The following UNC5D variants were observed in gnomAD, a reference collection of about 807,000 sequenced individuals.
UNC5D encodes netrin receptor UNC5D.
Under a neutral mutation model 105.4 loss-of-function variants are expected in UNC5D, and 39 were observed. The observed-to-expected ratio is 0.37, with a 90% CI of 0.29 to 0.48. The LOEUF (loss-of-function observed/expected upper bound fraction) is 0.48. Among genes scored for constraint, UNC5D ranks in the 20% least tolerant of loss-of-function variants. The pLI, the probability that UNC5D is intolerant of heterozygous loss-of-function variation, is 0.98. For synonymous variants in UNC5D, 452 were observed against 450.4 expected (o/e 1.00, Z -0.04); for missense variants, 991 against 1,202.4 (o/e 0.82, Z 2.60).
chr8:35,575,500 A>G (rs1357998801), intron 3 of UNC5D, among the ~76,000 whole-genome samples: 1 of 152,108 alleles, frequency 6.6e-6, no homozygotes, highest in Non-Finnish European at 1.5e-5. Context: ...CTAAAATGGG[A>G]ATGGAAGTTA....
Position 35,601,138 on chromosome 8 carries a change from C to A in UNC5D, c.570+5481C>A, listed in dbSNP as rs369380930. Among the ~76,000 whole-genome samples, 8 of 152,040 alleles carry A rather than the reference C, an allele frequency of 5.3e-5. No individual in the cohort carries two copies. In the South Asian group the frequency reaches 8.3e-4, roughly 16 times the overall value. On this transcript the variant is annotated intron_variant, in intron 4 of 16. Coordinates refer to ENST00000404895, the MANE Select transcript of UNC5D (RefSeq NM_080872.4). ...TATGCGGCATTATGTCTGAGGGCTCCGTTCTGTTCCATTGTTCTATATCTC... is the reference window on the plus strand; with the variant it reads ...TATGCGGCATTATGTCTGAGGGCTCAGTTCTGTTCCATTGTTCTATATCTC...
intron 1 of UNC5D, among the ~76,000 whole-genome samples, chr8:35,486,572 T>G (rs1427510963): frequency 6.6e-6 from 1 of 152,212 alleles, no homozygotes; most frequent in Non-Finnish European, 1.5e-5. Context: ...ATTTTCATCC[T>G]TATGTCTGAC....
chr8:35,640,644 G>T (rs978839090), intron 4 of UNC5D, among the ~76,000 whole-genome samples: 1 of 151,914 alleles, frequency 6.6e-6, no homozygotes, highest in African/African-American at 2.4e-5. Context: ...GGAAGATTAA[G>T]GTAAAAATTC....
intron 4 of UNC5D, among the ~76,000 whole-genome samples, chr8:35,619,760 C>T (rs1336127010): frequency 1.3e-5 from 2 of 152,220 alleles, no homozygotes; most frequent in African/African-American, 4.8e-5. Flanking sequence ...TCTTAGAAGA[C>T]ACCTCCTTTT....
intron 1 of UNC5D, among the ~76,000 whole-genome samples, chr8:35,371,614 A>G (rs1802434153): frequency 6.6e-6 from 1 of 152,100 alleles, no homozygotes; most frequent in Non-Finnish European, 1.5e-5. Flanking sequence ...AACTTGTACC[A>G]AGTTATGGTT....
At chr8:35,462,380 A>G (rs954852795) in intron 1 of UNC5D, among the ~76,000 whole-genome samples, 5 of 152,290 alleles carry the variant, frequency 3.3e-5, no homozygotes, top group African/African-American at 1.2e-4. Flanking sequence ...ATTTATAAAT[A>G]TGGTAGATCT....
chr8:35,511,474 T>TAA lies in UNC5D; in HGVS notation c.104-37798_104-37797dup, dbSNP rs60185539. On this transcript the variant is annotated intron_variant, in intron 1 of 16. Transcript: ENST00000404895. ...TGTAGAGAGTTCCCACCTCTAAGAT[T>TAA]AAAAAAAAAAAAAAAAAAAAAGGTC... Among the ~76,000 whole-genome samples, 345 of 96,932 alleles carry TAA rather than the reference T, an allele frequency of 3.6e-3. 2 individuals carry two copies. Among genetic ancestry groups the TAA allele is most frequent in the African/African-American group, 0.011 (322 of 29,694 alleles). The allele number at this position is 96,932 out of a possible 152,430, so 63.6% of individuals were successfully genotyped here.
chr8:35,308,549 T>A (rs887799452), intron 1 of UNC5D, among the ~76,000 whole-genome samples: 1 of 152,160 alleles, frequency 6.6e-6, no homozygotes, highest in Non-Finnish European at 1.5e-5. Flanking sequence ...TGAATGATAA[T>A]CTGTTTGAAT....
At chr8:35,775,892 A>T (rs985033825) in intron 16 of UNC5D, among the ~76,000 whole-genome samples, 2 of 152,216 alleles carry the variant, frequency 1.3e-5, no homozygotes, top group Non-Finnish European at 2.9e-5. Context: ...GGCAAGCCCG[A>T]AAAGAATAGA....
At chr8:35,749,129 T>A (rs1830140455) in intron 12 of UNC5D, among the ~76,000 whole-genome samples, 2 of 152,184 alleles carry the variant, frequency 1.3e-5, no homozygotes. Context: ...AAGGTATCTA[T>A]GTTTAATCAG....
At chr8:35,615,770 A>G (rs1820991578) in intron 4 of UNC5D, among the ~76,000 whole-genome samples, 1 of 152,048 alleles carries the variant, frequency 6.6e-6, no homozygotes, top group Non-Finnish European at 1.5e-5. Flanking sequence ...ATCCTCTCCC[A>G]TCACCCTCAG....
chr8:35,766,780 G>A, intron 14 of UNC5D, 122 bp from the exon 15 acceptor site: 1 of 1,193,832 alleles, frequency 8.4e-7, no homozygotes, highest in Non-Finnish European at 1.1e-6. Context: ...TCTCTGCTGT[G>A]ATTGTCCTCA....
intron 1 of UNC5D, among the ~76,000 whole-genome samples, chr8:35,543,828 T>G (rs1009895449): frequency 6.6e-6 from 1 of 152,180 alleles, no homozygotes; most frequent in African/African-American, 2.4e-5. Flanking sequence ...CAAATGATCT[T>G]TAAGGTAAAT....
chr8:35,761,844 A>G (rs1801548431), intron 14 of UNC5D, among the ~76,000 whole-genome samples: 2 of 152,110 alleles, frequency 1.3e-5, no homozygotes, highest in African/African-American at 4.8e-5. Flanking sequence ...AGATGTAAGC[A>G]CTTAGGGGAG....
intron 1 of UNC5D, among the ~76,000 whole-genome samples, chr8:35,268,152 A>G (rs1163726028): frequency 1.3e-5 from 2 of 152,184 alleles, no homozygotes; most frequent in African/African-American, 2.4e-5. Context: ...AATGTACTTT[A>G]ATGTTTTCCA....
chr8:35,398,425 A>C (rs1035329378), intron 1 of UNC5D, among the ~76,000 whole-genome samples: 2 of 152,116 alleles, frequency 1.3e-5, no homozygotes, highest in Non-Finnish European at 2.9e-5. Flanking sequence ...GTGAAGTTTC[A>C]GGAGCTCATG....
chr8:35,361,223 C>G lies in UNC5D; in HGVS notation c.103+125336C>G, dbSNP rs117365373. Among the ~76,000 whole-genome samples the G allele has an allele frequency of 3.7e-4, 56 of 152,154 alleles. 3 individuals carry two copies. In the East Asian group the frequency reaches 9.3e-3, roughly 25 times the overall value. On this transcript the variant is annotated intron_variant, in intron 1 of 16. Coordinates refer to ENST00000404895, the MANE Select transcript of UNC5D (RefSeq NM_080872.4). ...GAGGACCTGGGTTCTGGTCTGGGCTCTGTTCCAGTTTACCTTATCTACTTT... is the reference window on the plus strand; with the variant it reads ...GAGGACCTGGGTTCTGGTCTGGGCTGTGTTCCAGTTTACCTTATCTACTTT...
intron 1 of UNC5D, among the ~76,000 whole-genome samples, chr8:35,457,854 G>C (rs1412747086): frequency 6.6e-6 from 1 of 152,090 alleles, no homozygotes; most frequent in East Asian, 1.9e-4. Context: ...GGGCTCAATG[G>C]TTATTTTTTA....
At chr8:35,322,761 T>C (rs1252770794) in intron 1 of UNC5D, among the ~76,000 whole-genome samples, 2 of 152,228 alleles carry the variant, frequency 1.3e-5, no homozygotes, top group African/African-American at 4.8e-5. Context: ...TTCCTAATCA[T>C]GGCACAAGGT....
Sources: allele counts gnomAD v4.1 joint callset (sites outside exome capture counted in the v4.1 genomes callset), GRCh38; gene constraint gnomAD v4.1.1; transcripts MANE v1.5; gene names NCBI Gene and HGNC (gene_info 2026-07-23, HGNC 2026-07-21).